The following DAPK2 variants were observed in gnomAD, a reference collection of about 807,000 sequenced individuals.
DAPK2 encodes death associated protein kinase 2.
In DAPK2, 35 loss-of-function variants were observed where a neutral mutation model predicts 44.1. The observed-to-expected ratio is 0.79, with a 90% confidence interval of 0.61 to 1.05. The LOEUF is 1.05. Ranked by LOEUF, DAPK2 falls within the 50% of genes least tolerant of loss-of-function variation. The pLI is 0.00. For synonymous variants in DAPK2, 174 were observed against 182.6 expected, an observed-to-expected ratio of 0.95 and a Z score of 0.38; for missense variants, 453 against 483.2, an observed-to-expected ratio of 0.94 and a Z score of 0.59.
At chr15:63,947,453 G>T (rs2077479224) in intron 3 of DAPK2, among the ~76,000 whole-genome samples, 1 of 152,214 alleles carries the variant, frequency 6.6e-6, no homozygotes, top group Admixed American at 6.5e-5. Flanking sequence ...ATGGGCCAAT[G>T]CGGTCACATA....
rs1267570423 is a variant in DAPK2, at chr15:63,966,170, T to G, written c.453+5253A>C. 6.6e-6 allele frequency among the ~76,000 whole-genome samples: 1 copy of G among 152,182 alleles called. No individual in the cohort carries two copies. On this transcript the variant is annotated intron_variant, in intron 3 of 10. Coordinates refer to ENST00000261891, the Ensembl canonical transcript of DAPK2. This position sits in a 1 kb window ranked among gnomAD's most constrained non-coding sequence, Gnocchi z 5.5. ...ATGAATCCTGCCAGGACTGGGTCCT[T>G]CCCTTCAAGGCAGTGGATTCCCTTC... is the stretch of plus-strand genomic sequence containing the variant.
chr15:64,021,421 T>C (rs1482508905), intron 1 of DAPK2, among the ~76,000 whole-genome samples: 2 of 151,950 alleles, frequency 1.3e-5, no homozygotes, highest in Non-Finnish European at 2.9e-5. Flanking sequence ...CTTGATGAAA[T>C]TGTTGCTGCT....
Position 63,926,008 on chromosome 15 carries a change from C to A in DAPK2, c.745G>T (p.Glu249Ter), listed in dbSNP as rs756326689. 1.2e-6 allele frequency: 2 copies of A among 1,614,202 alleles called. No homozygotes were observed. The highest frequency in any genetic ancestry group is 1.7e-6 in the Non-Finnish European group (2 of 1,180,028). Residue 249 changes from glutamate (E) to a stop codon, truncating the protein, a stop_gained, in exon 7 of 11, where the codon GAA becomes TAA. Transcript: ENST00000261891. LOFTEE classifies it high-confidence loss of function. ...AGCTCGCTCGTCTGGCTGAAGAATT[C>A]CTCATCAAAGTCGTAACTCACTGCT...
At chr15:63,969,940 C>T (rs2078165210) in intron 3 of DAPK2, among the ~76,000 whole-genome samples, 2 of 152,192 alleles carry the variant, frequency 1.3e-5, no homozygotes, top group African/African-American at 4.8e-5. Flanking sequence ...CAAGCCAGAA[C>T]TTGGGTGTCA....
chr15:64,008,064 G>A (rs1425314963), intron 1 of DAPK2, among the ~76,000 whole-genome samples: 1 of 151,948 alleles, frequency 6.6e-6, no homozygotes, highest in Non-Finnish European at 1.5e-5. Context: ...GGGGTTTTTT[G>A]GTAATGAAAT....
intron 1 of DAPK2, among the ~76,000 whole-genome samples, chr15:64,002,955 T>TCGTGGGAC (rs1567266475): frequency 3.4e-5 from 4 of 118,740 alleles, no homozygotes; most frequent in East Asian, 8.0e-4. Flanking sequence ...TGTGTGTGTG[T>TCGTGGGAC]GTGTGTGTGT....
chr15:63,955,036 T>C (rs2077686007), intron 3 of DAPK2, among the ~76,000 whole-genome samples: 1 of 152,236 alleles, frequency 6.6e-6, no homozygotes, highest in Non-Finnish European at 1.5e-5. Flanking sequence ...CGTTTATCAG[T>C]TCTAACAATT....
chr15:63,937,876 C>G (rs771748169), intron 4 of DAPK2, among the ~76,000 whole-genome samples: 3 of 152,182 alleles, frequency 2.0e-5, no homozygotes, highest in Admixed American at 6.5e-5. Context: ...AGACAAAGCT[C>G]AAGTCTAGAT....
At chr15:63,927,572 G>T (rs1192995395) in intron 6 of DAPK2, among the ~76,000 whole-genome samples, 1 of 152,178 alleles carries the variant, frequency 6.6e-6, no homozygotes, top group African/African-American at 2.4e-5. Flanking sequence ...TGTGAGTTAG[G>T]TGTATGGTGT....
At chr15:63,982,462 A>C (rs974305394) in intron 2 of DAPK2, among the ~76,000 whole-genome samples, 2 of 152,086 alleles carry the variant, frequency 1.3e-5, no homozygotes, top group African/African-American at 4.8e-5. Context: ...TGCTAGGATT[A>C]CAGGCATGAG....
intron 8 of DAPK2, among the ~76,000 whole-genome samples, chr15:63,914,510 T>TC (rs558696674): frequency 2.4e-3 from 359 of 151,698 alleles, no homozygotes; most frequent in Non-Finnish European, 3.7e-3. Context: ...CTGGGTCTAG[T>TC]CCCCCCCTGG....
chr15:64,036,132 G>A (rs767445106), intron 1 of DAPK2, among the ~76,000 whole-genome samples: 4 of 150,940 alleles, frequency 2.7e-5, no homozygotes, highest in African/African-American at 7.3e-5. Context: ...ATGGTAGCAC[G>A]CACCTGTAGT....
chr15:64,003,109 G>A (rs557813680), intron 1 of DAPK2, among the ~76,000 whole-genome samples: 1 of 152,068 alleles, frequency 6.6e-6, no homozygotes, highest in South Asian at 2.1e-4. Flanking sequence ...TAGGCTTGGA[G>A]GCTGAGGAGG....
At chr15:63,984,413 G>A (rs779178443) in intron 1 of DAPK2, among the ~76,000 whole-genome samples, 1 of 152,130 alleles carries the variant, frequency 6.6e-6, no homozygotes, top group African/African-American at 2.4e-5. Context: ...ACCCAGGGCT[G>A]GGCTCAGAAA....
At chr15:63,955,461 T>C (rs540239384) in intron 3 of DAPK2, among the ~76,000 whole-genome samples, 1 of 152,342 alleles carries the variant, frequency 6.6e-6, no homozygotes, top group Non-Finnish European at 1.5e-5. Flanking sequence ...TGTGTTTTTG[T>C]CTGGTTTTGG....
intron 3 of DAPK2, among the ~76,000 whole-genome samples, chr15:63,941,666 A>ATT (rs397779427): frequency 2.0e-3 from 297 of 151,374 alleles, no homozygotes; most frequent in East Asian, 5.2e-3. Context: ...TTCCTTTTGC[A>ATT]TTTTTTTTGC....
intron 3 of DAPK2, among the ~76,000 whole-genome samples, chr15:63,956,513 TC>T (rs1454892133): frequency 6.6e-6 from 1 of 152,142 alleles, no homozygotes; most frequent in African/African-American, 2.4e-5. Context: ...TTGTATAGTT[TC>T]CAAAATTCCT....
At chr15:63,971,839 C>G (rs1045960526) in intron 2 of DAPK2, among the ~76,000 whole-genome samples, 70 of 152,206 alleles carry the variant, frequency 4.6e-4, no homozygotes, top group Non-Finnish European at 8.8e-4. Context: ...TCCCAGTCAC[C>G]CTGGAGGTTG....
At chr15:64,016,425 C>T (rs1392960568) in intron 1 of DAPK2, among the ~76,000 whole-genome samples, 1 of 152,188 alleles carries the variant, frequency 6.6e-6, no homozygotes, top group Non-Finnish European at 1.5e-5. Context: ...AGTGATTTGC[C>T]CTCAGTGAGC....
Sources: gnomAD v4.1 joint callset for allele counts (sites outside exome capture counted in the v4.1 genomes callset) on GRCh38, gnomAD v4.1.1 for gene constraint, Gnocchi (gnomAD v3.1) non-coding constraint, MANE v1.5 for transcripts, NCBI Gene and HGNC (gene_info 2026-07-23, HGNC 2026-07-21) for gene names.